MFHAS1: variants seen among roughly 807,000 people sequenced by gnomAD.
The protein encoded by MFHAS1 is malignant fibrous histiocytoma-amplified sequence 1.
Under a neutral mutation model 70.4 loss-of-function variants are expected in MFHAS1, and 50 were observed. The observed-to-expected ratio is 0.71, with a 90% CI of 0.57 to 0.90. The LOEUF is 0.90. Ranked by LOEUF, MFHAS1 falls within the 40% of genes least tolerant of loss-of-function variation. The probability of loss-of-function intolerance (pLI) is 0.00; values close to 1 mark genes in which losing one functional copy is unlikely to be tolerated. For missense variants in MFHAS1, 1,795 were observed against 1,347.6 expected, an observed-to-expected ratio of 1.33 and a Z score of -5.20; for synonymous variants, 952 against 620.0, an observed-to-expected ratio of 1.54 and a Z score of -7.96.
rs1040676876 is a variant in MFHAS1 at position 8,784,802 on chromosome 8, T to C, written c.*1220A>G. ...ATGTTACTACTGTAGCATATGCTGTTTGGCCCAATTAAAAGTAGAATGGAG... is the reference window on the plus strand; with the variant it reads ...ATGTTACTACTGTAGCATATGCTGTCTGGCCCAATTAAAAGTAGAATGGAG... On this transcript the variant is annotated 3_prime_UTR_variant, in exon 3 of 3. Coordinates refer to ENST00000276282, the MANE Select transcript of MFHAS1 (RefSeq NM_004225.3). 3 of 152,234 alleles carry C rather than the reference T, an allele frequency of 2.0e-5. No homozygotes were observed. Among genetic ancestry groups the C allele is most frequent in the Non-Finnish European group, 4.4e-5 (3 of 68,046 alleles). The allele number at this position is 152,234 out of a possible 1,614,324, so 9.4% of individuals were successfully genotyped here. A position where few individuals can be genotyped will look rare whatever the true frequency, so the allele number is the denominator to read the frequency against.
chr8:8,884,526 C>T (rs183474226), intron 1 of MFHAS1, among the ~76,000 whole-genome samples: 1 of 152,110 alleles, frequency 6.6e-6, no homozygotes, highest in African/African-American at 2.4e-5. Context: ...AGGACCCATT[C>T]AAGGGTAAGA....
intron 2 of MFHAS1, among the ~76,000 whole-genome samples, chr8:8,786,912 T>A (rs973106307): frequency 6.6e-6 from 1 of 151,530 alleles, no homozygotes; most frequent in Non-Finnish European, 1.5e-5. Flanking sequence ...AATAACGACA[T>A]CACCAAAACA....
chr8:8,817,994 C>A (rs946804450), intron 1 of MFHAS1, among the ~76,000 whole-genome samples: 1 of 152,116 alleles, frequency 6.6e-6, no homozygotes, highest in Admixed American at 6.6e-5. Context: ...GACTGAGGAC[C>A]CCTGCTCTAG....
chr8:8,819,917 C>G (rs1391234671), intron 1 of MFHAS1, among the ~76,000 whole-genome samples: 1 of 152,168 alleles, frequency 6.6e-6, no homozygotes, highest in African/African-American at 2.4e-5. Context: ...AGGCTGGTCT[C>G]AAACTCCTGA....
intron 1 of MFHAS1, among the ~76,000 whole-genome samples, chr8:8,835,237 G>C (rs999130830): frequency 7.9e-5 from 12 of 152,218 alleles, no homozygotes; most frequent in Non-Finnish European, 1.8e-4. Context: ...AAAACCCATA[G>C]AATCTATCAC....
rs367663776 is a variant in MFHAS1 at position 8,891,152 on chromosome 8, C to A, written c.1907G>T (p.Arg636Leu). The change falls in exon 1 of 3, where the codon CGA becomes CTA. Residue 636 changes from arginine (R) to leucine (L), a missense_variant. Transcript: ENST00000276282. The surrounding 1 kb of genome is among the most constrained non-coding windows in gnomAD (Gnocchi z 5.4). ...TGACAGCAACTTGTCCCGAAGGCGT[C>A]GTAAGTGGCGCGGGTCCCTGCAGCT... ...PVSCRDPRHL[R>L]RLRDKLLSVA... 5.6e-6 allele frequency: 9 copies of A among 1,613,442 alleles called. No individual in the cohort carries two copies. The African/African-American group carries it at 8.0e-5, about 14-fold the overall frequency.
At chr8:8,851,031 C>T (rs1183275851) in intron 1 of MFHAS1, among the ~76,000 whole-genome samples, 3 of 152,124 alleles carry the variant, frequency 2.0e-5, no homozygotes, top group Non-Finnish European at 2.9e-5. Context: ...TGAATCTCCT[C>T]GACTTTATCA....
At chr8:8,823,053 G>T (rs1288598357) in intron 1 of MFHAS1, among the ~76,000 whole-genome samples, 1 of 152,138 alleles carries the variant, frequency 6.6e-6, no homozygotes, top group African/African-American at 2.4e-5. Context: ...GGACAGTCTC[G>T]AATTCTAGTC....
At chr8:8,811,636 G>A (rs1334000008) in intron 1 of MFHAS1, among the ~76,000 whole-genome samples, 1 of 152,220 alleles carries the variant, frequency 6.6e-6, no homozygotes, top group Non-Finnish European at 1.5e-5. Context: ...ACTAGCTGAT[G>A]CTGCGTCTCC....
chr8:8,803,090 C>G (rs370545494), intron 1 of MFHAS1, among the ~76,000 whole-genome samples: 3 of 152,164 alleles, frequency 2.0e-5, no homozygotes, highest in Non-Finnish European at 4.4e-5. Context: ...TTCCCCAAAA[C>G]TGTAGGGATG....
At position 8,798,903 on chromosome 8, in the gene MFHAS1, T is replaced by G. The variant is rs150277907; in HGVS notation, c.2999-1412A>C. 6.3e-4 allele frequency among the ~76,000 whole-genome samples: 96 copies of G among 151,946 alleles called. 1 individual carries two copies. The East Asian group carries it at 0.014, about 23-fold the overall frequency. On this transcript the variant is annotated intron_variant, in intron 1 of 2. Coordinates refer to ENST00000276282, the MANE Select transcript of MFHAS1 (RefSeq NM_004225.3). Reference sequence around the variant, plus strand: ...ATCTACTAAAAATACAAAAATCAGCTAGGCATTTGTGGCAGGTGCCTGTAG... The same window carrying G: ...ATCTACTAAAAATACAAAAATCAGCGAGGCATTTGTGGCAGGTGCCTGTAG...
intron 1 of MFHAS1, among the ~76,000 whole-genome samples, chr8:8,842,430 C>G (rs1444858120): frequency 1.3e-5 from 2 of 152,180 alleles, no homozygotes; most frequent in African/African-American, 4.8e-5. Context: ...AGGAGATCCA[C>G]CCACCTCAGC....
intron 1 of MFHAS1, among the ~76,000 whole-genome samples, chr8:8,843,915 G>C (rs1304423737): frequency 1.3e-5 from 2 of 152,206 alleles, no homozygotes; most frequent in African/African-American, 2.4e-5. Flanking sequence ...CCTGCCTAAA[G>C]AGGACAAAAT....
Position 8,890,974 on chromosome 8 carries a change from C to A in MFHAS1, c.2085G>T (p.Leu695=). ...DSARLGLQAG[L]TEDRLQSALS... ...GGGCACTCTGCAGTCGGTCCTCGGT[C>A]AGACCCGCCTGCAGGCCCAAGCGCG... Residue 695 remains leucine, a synonymous_variant, in exon 1 of 3, where the codon CTG becomes CTT. Coordinates refer to ENST00000276282, the MANE Select transcript of MFHAS1 (RefSeq NM_004225.3). 1 of 1,613,652 alleles carries A rather than the reference C, an allele frequency of 6.2e-7. No individual in the cohort carries two copies. The highest frequency in any genetic ancestry group is 1.1e-5 in the South Asian group (1 of 91,032).
chr8:8,795,146 T>C (rs1805847496), intron 2 of MFHAS1, among the ~76,000 whole-genome samples: 1 of 152,222 alleles, frequency 6.6e-6, no homozygotes, highest in African/African-American at 2.4e-5. Flanking sequence ...TTGTTTCCTC[T>C]GTTTCATACC....
In MFHAS1 at chr8:8,891,359, T is replaced by C. The variant is rs375315692; in HGVS notation, c.1700A>G (p.Glu567Gly). The C allele has an allele frequency of 7.9e-5, 127 of 1,611,032 alleles. No individual in the cohort carries two copies. The highest frequency in any genetic ancestry group is 1.0e-4 in the Non-Finnish European group (122 of 1,180,026). ...QIALQEKHDA[E>G]GLSRLAKVVD... ...CACCTTGGCCAAGCGGCTCAGTCCC[T>C]CCGCGTCGTGCTTCTCCTGCAGGGC... Residue 567 changes from glutamate to glycine, a missense_variant, in exon 1 of 3, where the codon GAG becomes GGG. Transcript: ENST00000276282. This position sits in a 1 kb window ranked among gnomAD's most constrained non-coding sequence, Gnocchi z 5.4.
chr8:8,878,914 G>C (rs1268150335), intron 1 of MFHAS1, among the ~76,000 whole-genome samples: 1 of 152,172 alleles, frequency 6.6e-6, no homozygotes, highest in Non-Finnish European at 1.5e-5. Context: ...AAATCCAGCA[G>C]TCATATATTT....
At chr8:8,873,492 T>TA (rs1554488393) in intron 1 of MFHAS1, among the ~76,000 whole-genome samples, 4 of 151,578 alleles carry the variant, frequency 2.6e-5, no homozygotes, top group African/African-American at 7.3e-5. Context: ...TTTTTTTTTT[T>TA]ACAGGTCAAA....
At chr8:8,841,870 T>A (rs959529859) in intron 1 of MFHAS1, among the ~76,000 whole-genome samples, 1 of 152,200 alleles carries the variant, frequency 6.6e-6, no homozygotes, top group African/African-American at 2.4e-5. Flanking sequence ...AAATATGCCA[T>A]CCTACTTTGG....
Sources: allele counts gnomAD v4.1 joint callset (sites outside exome capture counted in the v4.1 genomes callset), GRCh38; gene constraint gnomAD v4.1.1; non-coding constraint Gnocchi (gnomAD v3.1); transcripts MANE v1.5; gene names NCBI Gene and HGNC (gene_info 2026-07-23, HGNC 2026-07-21).